SLIT2: variants seen among roughly 807,000 people sequenced by gnomAD.
SLIT2 encodes slit guidance ligand 2, also known as slit homolog 2 protein.
SLIT2 carries 41 observed loss-of-function variants against 185.7 expected under a neutral mutation model. The observed-to-expected ratio is 0.22, with a 90% CI of 0.17 to 0.29. The LOEUF (loss-of-function observed/expected upper bound fraction) is 0.29, where lower values mean the gene tolerates loss of function less well. Ranked by LOEUF, SLIT2 falls within the 10% of genes least tolerant of loss-of-function variation. SLIT2 has a pLI of 1.00. For missense variants in SLIT2, 1,571 were observed against 1,909.0 expected (o/e 0.82, Z 3.30); for synonymous variants, 693 against 680.2 (o/e 1.02, Z -0.29).
At chr4:20,352,301 T>C (rs1354872195) in intron 4 of SLIT2, among the ~76,000 whole-genome samples, 2 of 136,258 alleles carry the variant, frequency 1.5e-5, no homozygotes, top group African/African-American at 6.5e-5. Flanking sequence ...CTTCTCACCT[T>C]TTTTTTTATT....
intron 11 of SLIT2, among the ~76,000 whole-genome samples, chr4:20,511,596 T>TTTTTTTA (rs1553915403): frequency 3.6e-5 from 5 of 138,574 alleles, no homozygotes; most frequent in African/African-American, 1.3e-4. Context: ...AATTTTTTTT[T>TTTTTTTA]TTTTTTTATT....
intron 21 of SLIT2, among the ~76,000 whole-genome samples, chr4:20,544,948 A>C (rs1417996224): frequency 6.6e-6 from 1 of 152,142 alleles, no homozygotes; most frequent in Admixed American, 6.6e-5. Flanking sequence ...AGAAATATCA[A>C]GTCAGAAAAT....
chr4:20,544,715 A>T (rs1163777528), intron 21 of SLIT2, among the ~76,000 whole-genome samples: 2 of 152,156 alleles, frequency 1.3e-5, no homozygotes, highest in African/African-American at 2.4e-5. Context: ...TTGGTGGACT[A>T]GTTTTAACAA....
Position 20,398,180 on chromosome 4 carries a change from A to G in SLIT2, c.396-69572A>G, listed in dbSNP as rs1337294471. 2.6e-5 allele frequency among the ~76,000 whole-genome samples: 4 copies of G among 151,862 alleles called. No individual in the cohort carries two copies. The Admixed American group carries it at 2.6e-4, about 10-fold the overall frequency. The stretch of plus-strand genomic sequence containing the variant: ...TCCCTGAAAAGTGGGGTTGAGCAAG[A>G]GAACAAAGAGGACCCAAGAGAGGGC... On this transcript the variant is annotated intron_variant, in intron 4 of 36. Coordinates refer to ENST00000504154, the MANE Select transcript of SLIT2 (RefSeq NM_004787.4).
At chr4:20,295,581 T>C (rs1241213973) in intron 4 of SLIT2, among the ~76,000 whole-genome samples, 2 of 152,148 alleles carry the variant, frequency 1.3e-5, no homozygotes, top group African/African-American at 2.4e-5. Context: ...AACTCCTTCA[T>C]TGCCAATTAA....
chr4:20,502,738 A>G lies in SLIT2; in HGVS notation c.915-7757A>G, dbSNP rs6850490. Among the ~76,000 whole-genome samples, 1,340 of 152,310 alleles carry G rather than the reference A, an allele frequency of 8.8e-3. 23 individuals are homozygous for G. Among genetic ancestry groups the G allele is most frequent in the African/African-American group, 0.031 (1,272 of 41,564 alleles). On this transcript the variant is annotated intron_variant, in intron 9 of 36. Transcript: ENST00000504154. The stretch of plus-strand genomic sequence containing the variant: ...TGTTAGAATATAAAGTGGAAGTCAA[A>G]TCTTGAAGAAGAGACTGTCCCGATG...
intron 3 of SLIT2, among the ~76,000 whole-genome samples, chr4:20,268,402 A>G (rs2109027633): frequency 6.6e-6 from 1 of 151,682 alleles, no homozygotes; most frequent in Non-Finnish European, 1.5e-5. Flanking sequence ...TCTCCCCACA[A>G]TTCCTTGGCT....
chr4:20,255,098 C>CA (rs1418949677), intron 1 of SLIT2: 1 of 455,544 alleles, frequency 2.2e-6, no homozygotes. Context: ...CTCGCGGTTG[C>CA]GTGTGGGCCG....
At chr4:20,596,227 A>G (rs73252499) in intron 31 of SLIT2, among the ~76,000 whole-genome samples, 188 bp from the exon 32 acceptor site, 1 of 152,302 alleles carries the variant, frequency 6.6e-6, no homozygotes, top group Non-Finnish European at 1.5e-5. Flanking sequence ...TTTAGACAGG[A>G]TGAGTAAGTT....
intron 4 of SLIT2, among the ~76,000 whole-genome samples, chr4:20,337,543 A>T (rs1404272152): frequency 6.6e-6 from 1 of 152,208 alleles, no homozygotes; most frequent in Non-Finnish European, 1.5e-5. Flanking sequence ...GCCAAACCAT[A>T]TCAAATAGCA....
chr4:20,364,737 A>C (rs1225985616), intron 4 of SLIT2, among the ~76,000 whole-genome samples: 1 of 152,152 alleles, frequency 6.6e-6, no homozygotes, highest in Non-Finnish European at 1.5e-5. Flanking sequence ...ACAGGCTTTG[A>C]ATTTTAAACC....
At chr4:20,318,814 A>G (rs1258601260) in intron 4 of SLIT2, among the ~76,000 whole-genome samples, 1 of 152,150 alleles carries the variant, frequency 6.6e-6, no homozygotes, top group Non-Finnish European at 1.5e-5. Flanking sequence ...TCCATGACTT[A>G]TTTCCGAACT....
rs777823585 is a variant in SLIT2, at chr4:20,549,018, A to G, written c.2418-39A>G. 4.0e-6 allele frequency: 5 copies of G among 1,262,690 alleles called. No individual in the cohort carries two copies. The East Asian group carries it at 1.2e-4, about 29-fold the overall frequency. The allele number at this position is 1,262,690 out of a possible 1,614,324, so 78.2% of individuals were successfully genotyped here. ...TTTGGAAGTATTTGGCCATTTTTGGATTTCTGAATAAAACAAATTGACATA... is the reference window on the plus strand; with the variant it reads ...TTTGGAAGTATTTGGCCATTTTTGGGTTTCTGAATAAAACAAATTGACATA... On this transcript the variant is annotated intron_variant, in intron 23 of 36. Coordinates refer to ENST00000504154, the MANE Select transcript of SLIT2 (RefSeq NM_004787.4).
intron 11 of SLIT2, among the ~76,000 whole-genome samples, chr4:20,518,551 C>CTATATATATA: frequency 5.5e-5 from 2 of 36,606 alleles, no homozygotes; most frequent in East Asian, 1.4e-3. Context: ...TGTGCCCAGC[C>CTATATATATA]TATATGTATA....
At chr4:20,605,252 T>C (rs1471706636) in intron 33 of SLIT2, among the ~76,000 whole-genome samples, 1 of 152,150 alleles carries the variant, frequency 6.6e-6, no homozygotes, top group Non-Finnish European at 1.5e-5. Flanking sequence ...GTATGCAAAA[T>C]AGAGAAAGAA....
intron 9 of SLIT2, among the ~76,000 whole-genome samples, chr4:20,498,683 CT>C (rs886513284): frequency 6.6e-6 from 1 of 152,100 alleles, no homozygotes; most frequent in African/African-American, 2.4e-5. Context: ...GTCCTCCTGC[CT>C]TTACTCTTTG....
At chr4:20,573,938 T>TTTTATTTATTTA (rs10673597) in intron 29 of SLIT2, among the ~76,000 whole-genome samples, 42,572 of 140,514 alleles carry the variant, frequency 0.3, 6,940 homozygotes, top group Non-Finnish European at 0.34. Context: ...CATAGAATTA[T>TTTTATTTATTTA]TTTATTTATT....
At chr4:20,395,968 A>C (rs1725853645) in intron 4 of SLIT2, among the ~76,000 whole-genome samples, 1 of 151,994 alleles carries the variant, frequency 6.6e-6, no homozygotes, top group Admixed American at 6.6e-5. Context: ...TAAGTAAAAT[A>C]GTATTTTTAA....
At chr4:20,375,070 G>A (rs749871511) in intron 4 of SLIT2, among the ~76,000 whole-genome samples, 1 of 151,986 alleles carries the variant, frequency 6.6e-6, no homozygotes, top group Non-Finnish European at 1.5e-5. Context: ...TTTACATGAC[G>A]TGTGTATGTG....
Sources: allele counts gnomAD v4.1 joint callset (sites outside exome capture counted in the v4.1 genomes callset), GRCh38; gene constraint gnomAD v4.1.1; transcripts MANE v1.5; gene names NCBI Gene and HGNC (gene_info 2026-07-23, HGNC 2026-07-21).